The following ZMYM2 variants were observed in gnomAD, a reference collection of about 807,000 sequenced individuals.
The protein encoded by ZMYM2 is zinc finger MYM-type protein 2.
ZMYM2 carries 56 observed loss-of-function variants against 162.8 expected under a neutral mutation model. The observed-to-expected ratio is 0.34, with a 90% CI of 0.28 to 0.43. The LOEUF (loss-of-function observed/expected upper bound fraction) is 0.43. Ranked by LOEUF, ZMYM2 falls within the 20% of genes least tolerant of loss-of-function variation. The pLI, the probability that ZMYM2 is intolerant of heterozygous loss-of-function variation, is 1.00. For missense variants in ZMYM2, 1,275 were observed against 1,621.8 expected, an observed-to-expected ratio of 0.79 and a Z score of 3.67; for synonymous variants, 510 against 541.6, an observed-to-expected ratio of 0.94 and a Z score of 0.81.
the ZMYM2 span, chr13:19,864,465 G>C: frequency 1.3e-5 from 2 of 154,946 alleles, no homozygotes; most frequent in African/African-American, 4.8e-5. Flanking sequence ...CTGCGTCCGC[G>C]GGGCAGTACT....
the ZMYM2 span, among the ~76,000 whole-genome samples, chr13:19,882,135 G>C: frequency 6.6e-6 from 1 of 152,134 alleles, no homozygotes; most frequent in African/African-American, 2.4e-5. Context: ...ATGTGCCTAT[G>C]TTTTCTTAGA....
intron 2 of ZMYM2, chr13:19,969,911 A>G (rs1471805912): frequency 2.3e-6 from 1 of 442,238 alleles, no homozygotes; most frequent in Non-Finnish European, 3.0e-6. Context: ...GAGGCAAGAG[A>G]TTTTTACTTA....
chr13:19,874,466 C>G, the ZMYM2 span, among the ~76,000 whole-genome samples: 8 of 152,128 alleles, frequency 5.3e-5, no homozygotes, highest in Non-Finnish European at 8.8e-5. Context: ...CTCCTGGGCT[C>G]AGGAGATCCT....
At chr13:20,076,597 C>T (rs958797246) in intron 21 of ZMYM2, among the ~76,000 whole-genome samples, 8 of 149,510 alleles carry the variant, frequency 5.4e-5, no homozygotes, top group Admixed American at 5.3e-4. Flanking sequence ...CCAAATTTTT[C>T]TCCAGAATTT....
At chr13:20,011,879 G>T (rs1209126704) in intron 6 of ZMYM2, among the ~76,000 whole-genome samples, 2 of 151,942 alleles carry the variant, frequency 1.3e-5, no homozygotes, top group African/African-American at 4.8e-5. Context: ...CTCCCGAGTA[G>T]CTGGGATTAC....
At position 20,006,389 on chromosome 13, in the gene ZMYM2, A is replaced by G; in HGVS notation, c.1315A>G (p.Ser439Gly). 6.3e-7 allele frequency: 1 copy of G among 1,587,712 alleles called. No homozygotes were observed. The highest frequency in any genetic ancestry group is 8.6e-7 in the Non-Finnish European group (1 of 1,166,136). The change falls in exon 6 of 25, where the codon AGC (serine) becomes GGC (glycine). Residue 439 changes from serine (S) to glycine (G), a missense_variant. By Grantham distance (56) the Ser-to-Gly change is moderately conservative. This residue lies in a region of ZMYM2 where 276 missense variants were observed against 311.8 expected (regional missense o/e 0.89). Coordinates refer to ENST00000610343, the MANE Select transcript of ZMYM2 (RefSeq NM_197968.4). ...GKLTEIRHEV[S>G]FKNMTHKLCS... ...TTTCTTTTAGATTCGCCATGAAGTC[A>G]GCTTTAAAAATATGACTCATAAGCT...
At chr13:19,975,190 AAAGT>A (rs80164066) in intron 2 of ZMYM2, among the ~76,000 whole-genome samples, 2 of 151,888 alleles carry the variant, frequency 1.3e-5, no homozygotes, top group Non-Finnish European at 2.9e-5. Flanking sequence ...AAAAAAAAAA[AAAGT>A]ATAGTAACAT....
chr13:19,964,175 G>C (rs1335997901), intron 2 of ZMYM2, among the ~76,000 whole-genome samples: 1 of 151,972 alleles, frequency 6.6e-6, no homozygotes, highest in East Asian at 1.9e-4. Flanking sequence ...TCAAGAGTTC[G>C]AGACCAGCCT....
chr13:19,897,258 G>T, the ZMYM2 span, among the ~76,000 whole-genome samples: 3 of 152,066 alleles, frequency 2.0e-5, no homozygotes, highest in African/African-American at 7.2e-5. Context: ...GCAATAGTAC[G>T]TCCTTCTCTA....
chr13:19,900,796 G>A, the ZMYM2 span, among the ~76,000 whole-genome samples: 1 of 152,080 alleles, frequency 6.6e-6, no homozygotes, highest in Non-Finnish European at 1.5e-5. Flanking sequence ...CGCTTTGGGA[G>A]GCCGAGGCGG....
At chr13:19,866,235 CAAAA>C in the ZMYM2 span, among the ~76,000 whole-genome samples, 2 of 123,944 alleles carry the variant, frequency 1.6e-5, no homozygotes, top group African/African-American at 2.5e-5. Flanking sequence ...AAAAGAAAAA[CAAAA>C]AACAAGCAAA....
chr13:20,059,332 A>T, intron 15 of ZMYM2, 115 bp from the exon 16 acceptor site: 1 of 1,193,338 alleles, frequency 8.4e-7, no homozygotes, highest in Non-Finnish European at 1.1e-6. Context: ...CTGGGAATTA[A>T]AAAAAAAAAG....
chr13:19,954,183 C>T (rs915871501), upstream of ZMYM2, among the ~76,000 whole-genome samples: 6 of 115,840 alleles, frequency 5.2e-5, no homozygotes, highest in South Asian at 3.0e-4. Flanking sequence ...GGCTGGAGTG[C>T]GGTGGCACAA....
chr13:20,055,221 C>G (rs1015692923), intron 14 of ZMYM2, among the ~76,000 whole-genome samples: 29 of 152,028 alleles, frequency 1.9e-4, no homozygotes, highest in African/African-American at 6.5e-4. Context: ...TGCAGTCAGT[C>G]CTCATTCATG....
Position 20,058,609 on chromosome 13 carries a change from A to G in ZMYM2, c.2528A>G (p.Lys843Arg). ...SAPPPSPTPN[K>R]EMKNKAVLCK... is the part of the protein sequence containing the mutation. ...CCACCCCCTTCTCCAACACCTAACA[A>G]AGAGATGAAGAACAAAGCAGTTCTT... is the stretch of plus-strand genomic sequence containing the variant. Residue 843 changes from lysine (K) to arginine (R), a missense_variant, in exon 15 of 25, where the codon AAA (lysine) becomes AGA (arginine). Around this residue, in one of 10 missense-constraint regions of ZMYM2, gnomAD observed 177 missense variants for 228.0 expected, o/e 0.78. Transcript: ENST00000610343. 2 of 1,613,734 alleles carry G rather than the reference A, an allele frequency of 1.2e-6. No individual in the cohort carries two copies. The highest frequency in any genetic ancestry group is 8.5e-7 in the Non-Finnish European group (1 of 1,179,732).
At chr13:20,057,433 C>T (rs562960479) in intron 14 of ZMYM2, among the ~76,000 whole-genome samples, 3 of 152,138 alleles carry the variant, frequency 2.0e-5, no homozygotes, top group South Asian at 2.1e-4. Flanking sequence ...CCAATGCCCC[C>T]GGCCAGCTTT....
chr13:20,018,827 C>T (rs1234996838), intron 6 of ZMYM2, among the ~76,000 whole-genome samples: 4 of 152,108 alleles, frequency 2.6e-5, no homozygotes, highest in African/African-American at 7.2e-5. Flanking sequence ...CGACTGTAAT[C>T]GCAGCACTTT....
intron 2 of ZMYM2, among the ~76,000 whole-genome samples, chr13:19,965,860 G>A (rs560105001): frequency 2.0e-4 from 27 of 135,186 alleles, no homozygotes; most frequent in South Asian, 4.8e-4. Flanking sequence ...TGCAACCTCC[G>A]CCTCCTGGGT....
At chr13:20,056,038 G>A (rs1285151817) in intron 14 of ZMYM2, among the ~76,000 whole-genome samples, 1 of 152,176 alleles carries the variant, frequency 6.6e-6, no homozygotes, top group Non-Finnish European at 1.5e-5. Flanking sequence ...CAACACTAAT[G>A]GGACTGGCTT....
Sources: allele counts gnomAD v4.1 joint callset (sites outside exome capture counted in the v4.1 genomes callset), GRCh38; gene constraint gnomAD v4.1.1; regional missense constraint gnomAD v4.1.1; transcripts MANE v1.5; gene names NCBI Gene and HGNC (gene_info 2026-07-23, HGNC 2026-07-21).